The following TENT4B variants were observed in gnomAD, a reference collection of about 807,000 sequenced individuals.
TENT4B encodes the protein terminal nucleotidyltransferase 4B.
Under a neutral mutation model 75.0 loss-of-function variants are expected in TENT4B, and 10 were observed. The observed-to-expected ratio is 0.13, with a 90% confidence interval of 0.08 to 0.23. The LOEUF is 0.23. TENT4B is among the 10% of genes least tolerant of loss of function. The probability of loss-of-function intolerance (pLI) is 1.00; values close to 1 mark genes in which losing one functional copy is unlikely to be tolerated. For synonymous variants in TENT4B, 350 were observed against 357.7 expected, an observed-to-expected ratio of 0.98 and a Z score of 0.24; for missense variants, 579 against 893.8, an observed-to-expected ratio of 0.65 and a Z score of 4.49.
intron 10 of TENT4B, among the ~76,000 whole-genome samples, chr16:50,226,248 G>A (rs1364200216): frequency 4.6e-5 from 7 of 152,102 alleles, no homozygotes; most frequent in Non-Finnish European, 7.4e-5. Flanking sequence ...AGATCCACCC[G>A]CCTCAGCCTC....
At chr16:50,228,791 G>T (rs2032169108) in intron 11 of TENT4B, among the ~76,000 whole-genome samples, 1 of 152,216 alleles carries the variant, frequency 6.6e-6, no homozygotes, top group Non-Finnish European at 1.5e-5. Flanking sequence ...AGCCACCTGT[G>T]CTGACCCAAA....
intron 1 of TENT4B, among the ~76,000 whole-genome samples, chr16:50,174,669 A>T (rs577999987): frequency 7.3e-5 from 11 of 149,962 alleles, no homozygotes; most frequent in Non-Finnish European, 1.2e-4. Context: ...ATTAGAACTT[A>T]TTCTTTCTAC....
chr16:50,210,287 C>CA (rs2150732907), intron 1 of TENT4B, among the ~76,000 whole-genome samples: 1 of 152,352 alleles, frequency 6.6e-6, no homozygotes, highest in South Asian at 2.1e-4. Context: ...CCCGTCCTGA[C>CA]TATGTTCAAG....
At chr16:50,176,867 A>T (rs2038321546) in intron 1 of TENT4B, among the ~76,000 whole-genome samples, 1 of 151,956 alleles carries the variant, frequency 6.6e-6, no homozygotes, top group Non-Finnish European at 1.5e-5. Context: ...GCATTTGTGT[A>T]TCTGTGTTCA....
chr16:50,192,734 C>T (rs1190638219), intron 1 of TENT4B, among the ~76,000 whole-genome samples: 1 of 151,354 alleles, frequency 6.6e-6, no homozygotes, highest in East Asian at 1.9e-4. Context: ...TTGAATTGCA[C>T]ATAATTTTCA....
chr16:50,211,414 A>G lies in TENT4B; in HGVS notation c.730A>G (p.Ser244Gly). The change falls in exon 2 of 12, where the codon AGT becomes GGT. Residue 244 changes from serine (S) to glycine (G), a missense_variant. Around this residue, in one of 7 missense-constraint regions of TENT4B, gnomAD observed 18 missense variants for 23.9 expected, o/e 0.75. Coordinates refer to ENST00000561678, the MANE Select transcript of TENT4B (RefSeq NM_001365324.3). ...GATGGAGGTGGTGAACAGGATCGAG[A>G]GTGTAATTAAGGAGCTCTGGCCCAG... ...MRMEVVNRIESVIKELWPSAD... is the reference protein window; with the variant it reads ...MRMEVVNRIEGVIKELWPSAD... 6.2e-7 allele frequency: 1 copy of G among 1,605,422 alleles called. No individual in the cohort carries two copies. The highest frequency in any genetic ancestry group is 8.5e-7 in the Non-Finnish European group (1 of 1,177,906).
Position 50,224,797 on chromosome 16 carries a change from T to C in TENT4B, c.1508+14T>C. On this transcript the variant is annotated intron_variant, in intron 8 of 11. Transcript: ENST00000561678. ...TGAAACAGAAAGGTAAAAGTTCATCTATAACCAGCCCATTGTGTCAAAATT... is the reference window on the plus strand; with the variant it reads ...TGAAACAGAAAGGTAAAAGTTCATCCATAACCAGCCCATTGTGTCAAAATT... The C allele has an allele frequency of 6.2e-7, 1 of 1,613,786 alleles. No individual in the cohort carries two copies. Among genetic ancestry groups the C allele is most frequent in the Non-Finnish European group, 8.5e-7 (1 of 1,179,772 alleles).
chr16:50,199,509 T>C (rs2030498584), intron 1 of TENT4B, among the ~76,000 whole-genome samples: 1 of 152,220 alleles, frequency 6.6e-6, no homozygotes, highest in Non-Finnish European at 1.5e-5. Flanking sequence ...TCTAAAAATT[T>C]TGTGTTTCAC....
chr16:50,160,609 T>G (rs1412013369), intron 1 of TENT4B, among the ~76,000 whole-genome samples: 1 of 152,190 alleles, frequency 6.6e-6, no homozygotes. Flanking sequence ...GAACAGAATT[T>G]AAGGGCTCCG....
chr16:50,165,662 T>C (rs2038086098), intron 1 of TENT4B, among the ~76,000 whole-genome samples: 1 of 152,234 alleles, frequency 6.6e-6, no homozygotes, highest in Non-Finnish European at 1.5e-5. Flanking sequence ...ACCTTTCATA[T>C]AAGTGGAATC....
intron 1 of TENT4B, among the ~76,000 whole-genome samples, chr16:50,167,790 C>T (rs547450401): frequency 3.3e-5 from 5 of 151,946 alleles, no homozygotes; most frequent in East Asian, 1.9e-4. Flanking sequence ...CCGAGTAGCT[C>T]GGATTACAGG....
intron 1 of TENT4B, among the ~76,000 whole-genome samples, chr16:50,160,583 A>G (rs757395825): frequency 4.6e-5 from 7 of 152,206 alleles, no homozygotes; most frequent in Non-Finnish European, 1.0e-4. Context: ...TGTTAGAAGT[A>G]CAGAAGGGTC....
chr16:50,214,453 C>T (rs1429389161), intron 3 of TENT4B, among the ~76,000 whole-genome samples, 186 bp downstream of exon 3: 2 of 152,096 alleles, frequency 1.3e-5, no homozygotes, highest in African/African-American at 4.8e-5. Flanking sequence ...GTCAGGAGTT[C>T]AAGACCAGCC....
Position 50,180,708 on chromosome 16 carries a change from C to CAA in TENT4B, c.638+26465_638+26466dup, listed in dbSNP as rs34092547. ...TGGGTGACAGAGCGAGACTCCATCT[C>CAA]AAAAAAAAAAAAAAAAATCGTATGC... On this transcript the variant is annotated intron_variant, in intron 1 of 11. Transcript: ENST00000561678. 8.7e-3 allele frequency among the ~76,000 whole-genome samples: 1,096 copies of CAA among 126,692 alleles called. 7 individuals are homozygous for CAA. Among genetic ancestry groups the CAA allele is most frequent in the Non-Finnish European group, 0.013 (779 of 61,928 alleles). 83.1% of individuals were successfully genotyped at this position (126,692 alleles called of 152,430 possible).
chr16:50,192,853 G>A (rs1383853930), intron 1 of TENT4B, among the ~76,000 whole-genome samples: 6 of 152,178 alleles, frequency 3.9e-5, no homozygotes, highest in Non-Finnish European at 8.8e-5. Context: ...TTGGGAGGCT[G>A]GGTGGATTGC....
chr16:50,197,704 A>G (rs1250450895), intron 1 of TENT4B, among the ~76,000 whole-genome samples: 4 of 152,202 alleles, frequency 2.6e-5, no homozygotes, highest in South Asian at 4.1e-4. Context: ...GGAAAGAGGA[A>G]AGTGATGTAC....
chr16:50,222,186 A>G (rs2150745852), intron 5 of TENT4B, 120 bp from the exon 6 acceptor site: 1 of 903,776 alleles, frequency 1.1e-6, no homozygotes, highest in Non-Finnish European at 1.6e-6. Flanking sequence ...AAAATAGAAA[A>G]TTAAGTATGT....
At chr16:50,186,456 A>G (rs1412809797) in intron 1 of TENT4B, among the ~76,000 whole-genome samples, 5 of 152,116 alleles carry the variant, frequency 3.3e-5, no homozygotes, top group South Asian at 2.1e-4. Context: ...CATTGTTTAT[A>G]TATACCACAT....
upstream of TENT4B, among the ~76,000 whole-genome samples, chr16:50,153,277 T>TGCCGCCGCTGCCGCC (rs1434957521): frequency 5.2e-5 from 7 of 135,264 alleles, no homozygotes; most frequent in Non-Finnish European, 8.0e-5. Flanking sequence ...CGCGTCTCGC[T>TGCCGCCGCTGCCGCC]GCCGCCGCTG....
Sources: gnomAD v4.1 joint callset for allele counts (sites outside exome capture counted in the v4.1 genomes callset) on GRCh38, gnomAD v4.1.1 for gene constraint, gnomAD v4.1.1 regional missense constraint, MANE v1.5 for transcripts, NCBI Gene and HGNC (gene_info 2026-07-23, HGNC 2026-07-21) for gene names.